The following BMS1 variants were observed in gnomAD, a reference collection of about 807,000 sequenced individuals.
BMS1 encodes ribosome biogenesis protein BMS1 homolog.
Under a neutral mutation model 138.7 loss-of-function variants are expected in BMS1, and 53 were observed. That is an observed-to-expected ratio of 0.38 (90% CI 0.31 to 0.48). BMS1 has a LOEUF of 0.48. Among genes scored for constraint, BMS1 ranks in the 20% least tolerant of loss-of-function variants. The pLI is 0.97. For synonymous variants in BMS1, 504 were observed against 539.9 expected, an observed-to-expected ratio of 0.93 and a Z score of 0.92; for missense variants, 1,360 against 1,565.5, an observed-to-expected ratio of 0.87 and a Z score of 2.22.
intron 13 of BMS1, among the ~76,000 whole-genome samples, chr10:42,804,743 T>TG (rs772833460): frequency 2.1e-5 from 3 of 141,266 alleles, no homozygotes; most frequent in Non-Finnish European, 4.6e-5. Context: ...TTTTTTTTTT[T>TG]GGGATGGAGT....
In BMS1 at chr10:42,813,328, T is replaced by A. The variant is rs1197020689; in HGVS notation, c.2330-3271T>A. On this transcript the variant is annotated intron_variant, in intron 13 of 22. Transcript: ENST00000374518. ...TAATTGCTTATGTCTGATGTTTTTA[T>A]TATTTGCTTTTTTGTTTCCTTTTTC... Among the ~76,000 whole-genome samples, 17 of 152,220 alleles carry A rather than the reference T, an allele frequency of 1.1e-4. 1 individual carries two copies. Among genetic ancestry groups the A allele is most frequent in the Admixed American group, 1.1e-3 (17 of 15,290 alleles).
chr10:42,821,837 G>C (rs915909902), intron 18 of BMS1, among the ~76,000 whole-genome samples: 1 of 152,170 alleles, frequency 6.6e-6, no homozygotes, highest in Admixed American at 6.5e-5. Flanking sequence ...ACAGGTATGA[G>C]CCACTGTGCT....
At chr10:42,800,525 A>ATTTTT (rs71533043) in intron 12 of BMS1, among the ~76,000 whole-genome samples, 1 of 131,324 alleles carries the variant, frequency 7.6e-6, no homozygotes, top group African/African-American at 2.8e-5. Context: ...TAAATGCTTG[A>ATTTTT]TTTTTTTTTT....
Position 42,784,536 on chromosome 10 carries a change from C to A in BMS1, c.142C>A (p.Gln48Lys), listed in dbSNP as rs1469194587. 1.9e-6 allele frequency: 3 copies of A among 1,613,922 alleles called. No homozygotes were observed. In the South Asian group the frequency reaches 3.3e-5, roughly 18 times the overall value. The part of the protein sequence containing the change: ...RKRNPKAFAV[Q>K]SAVRMARSFH... Reference sequence around the variant, plus strand: ...GAGAAATCCCAAAGCTTTTGCAGTTCAGTCTGCTGTGCGGATGGCTCGATC... The same window carrying A: ...GAGAAATCCCAAAGCTTTTGCAGTTAAGTCTGCTGTGCGGATGGCTCGATC... The change falls in exon 2 of 23, where the codon CAG (glutamine) becomes AAG (lysine). Residue 48 changes from glutamine (Q) to lysine (K), a missense_variant. Gln to Lys is a moderately conservative substitution (Grantham distance 53). Transcript: ENST00000374518.
chr10:42,811,772 C>A, intron 13 of BMS1, among the ~76,000 whole-genome samples: 1 of 151,810 alleles, frequency 6.6e-6, no homozygotes, highest in Non-Finnish European at 1.5e-5. Context: ...GATCCGCCCG[C>A]CTCGGCCTCC....
intron 12 of BMS1, among the ~76,000 whole-genome samples, chr10:42,799,617 G>A (rs757084856): frequency 3.3e-5 from 5 of 152,126 alleles, no homozygotes; most frequent in Admixed American, 6.5e-5. Context: ...ATAAAACCAC[G>A]TAAAAACAAT....
intron 15 of BMS1, among the ~76,000 whole-genome samples, chr10:42,818,505 TG>T (rs1371686078): frequency 6.6e-6 from 1 of 152,192 alleles, no homozygotes; most frequent in Non-Finnish European, 1.5e-5. Flanking sequence ...AGACTTTATT[TG>T]GAAGCTGGGT....
intron 21 of BMS1, among the ~76,000 whole-genome samples, chr10:42,827,307 T>A (rs1403004258): frequency 6.6e-6 from 1 of 152,088 alleles, no homozygotes; most frequent in Non-Finnish European, 1.5e-5. Context: ...ACCTTTTTTA[T>A]AAAATAAGTT....
intron 21 of BMS1, among the ~76,000 whole-genome samples, chr10:42,824,044 A>G (rs1407945663): frequency 1.3e-5 from 2 of 152,224 alleles, no homozygotes; most frequent in South Asian, 2.1e-4. Context: ...GGTTGACCAC[A>G]TGATCTTAAA....
chr10:42,786,811 T>G (rs985816528), intron 3 of BMS1, among the ~76,000 whole-genome samples: 2 of 152,164 alleles, frequency 1.3e-5, no homozygotes, highest in African/African-American at 4.8e-5. Flanking sequence ...TTGAGGATGT[T>G]TGTAGCTCTA....
chr10:42,819,949 G>A lies in BMS1; in HGVS notation c.2581-287G>A, dbSNP rs547214646. On this transcript the variant is annotated intron_variant, in intron 15 of 22. Coordinates refer to ENST00000374518, the MANE Select transcript of BMS1 (RefSeq NM_014753.4). The stretch of plus-strand genomic sequence containing the variant: ...TGGGACTACAGGCACGCACCACCAC[G>A]CCCAGCTGATTTTGGTATTTTTAGT... Among the ~76,000 whole-genome samples the A allele has an allele frequency of 3.3e-5, 5 of 152,094 alleles. No individual in the cohort carries two copies. The South Asian group carries it at 6.2e-4, about 19-fold the overall frequency.
At chr10:42,798,315 T>C (rs1421034348) in intron 11 of BMS1, among the ~76,000 whole-genome samples, 153 bp from the exon 12 acceptor site, 1 of 152,208 alleles carries the variant, frequency 6.6e-6, no homozygotes, top group Non-Finnish European at 1.5e-5. Flanking sequence ...GCCCTCTCAA[T>C]GCCTAACTCT....
rs1399952231 is a variant in BMS1, at chr10:42,830,480, A to G, written c.3618+58A>G. On this transcript the variant is annotated intron_variant, in intron 22 of 22. Transcript: ENST00000374518. ...TTTAGATAGGAAAAGAACACTCTCA[A>G]TAGCACACTTCCTGTTTCTACTGTA... 2.0e-5 allele frequency: 31 copies of G among 1,547,410 alleles called. No homozygotes were observed. The East Asian group carries it at 3.8e-4, about 19-fold the overall frequency.
At chr10:42,799,616 C>A (rs117077206) in intron 12 of BMS1, among the ~76,000 whole-genome samples, 1 of 152,090 alleles carries the variant, frequency 6.6e-6, no homozygotes, top group African/African-American at 2.4e-5. Context: ...TATAAAACCA[C>A]GTAAAAACAA....
At chr10:42,827,161 T>A (rs1306532396) in intron 21 of BMS1, among the ~76,000 whole-genome samples, 1 of 152,124 alleles carries the variant, frequency 6.6e-6, no homozygotes, top group Non-Finnish European at 1.5e-5. Flanking sequence ...TCGTGTTTCC[T>A]CTCTTGCCAT....
chr10:42,797,661 CT>C (rs2132320566), intron 11 of BMS1, 138 bp downstream of exon 11: 1 of 807,316 alleles, frequency 1.2e-6, no homozygotes, highest in Admixed American at 2.4e-5. Flanking sequence ...ACAGATGTCT[CT>C]AATCATCAGC....
At position 42,790,430 on chromosome 10, in the gene BMS1, C is replaced by T. The variant is rs1336222826; in HGVS notation, c.555C>T (p.His185=). The change falls in exon 5 of 23, where the codon CAC becomes CAT. Residue 185 remains histidine, a synonymous_variant. Coordinates refer to ENST00000374518, the MANE Select transcript of BMS1 (RefSeq NM_014753.4). ...GFPKIMGVLT[H]LDSFKHNKQL... is the part of the protein sequence containing the mutation. Reference sequence around the variant, plus strand: ...CTAAAATTATGGGAGTTCTCACCCACCTCGACTCCTTCAAGCATAATAAGC... The same window carrying T: ...CTAAAATTATGGGAGTTCTCACCCATCTCGACTCCTTCAAGCATAATAAGC... 4 of 1,613,924 alleles carry T rather than the reference C, an allele frequency of 2.5e-6. No individual in the cohort carries two copies. Among genetic ancestry groups the T allele is most frequent in the Admixed American group, 3.3e-5 (2 of 60,016 alleles).
intron 19 of BMS1, among the ~76,000 whole-genome samples, chr10:42,822,903 C>G (rs1842541680): frequency 6.6e-6 from 1 of 152,078 alleles, no homozygotes; most frequent in Non-Finnish European, 1.5e-5. Context: ...ATGAGCATGC[C>G]CATGAACTGA....
intron 4 of BMS1, among the ~76,000 whole-genome samples, chr10:42,788,129 T>G (rs1460066385): frequency 6.6e-6 from 1 of 152,176 alleles, no homozygotes; most frequent in Non-Finnish European, 1.5e-5. Flanking sequence ...TTTAAAGTTG[T>G]GCCATTGTAA....
Sources: gnomAD v4.1 joint callset for allele counts (sites outside exome capture counted in the v4.1 genomes callset) on GRCh38, gnomAD v4.1.1 for gene constraint, MANE v1.5 for transcripts, NCBI Gene and HGNC (gene_info 2026-07-23, HGNC 2026-07-21) for gene names.